The following PRKCB variants were observed in gnomAD, a reference collection of about 807,000 sequenced individuals.
PRKCB encodes the protein protein kinase C beta.
In PRKCB, 13 loss-of-function variants were observed where a neutral mutation model predicts 81.5. The observed-to-expected ratio is 0.16, with a 90% CI of 0.10 to 0.25. The LOEUF (loss-of-function observed/expected upper bound fraction) is 0.25. Ranked by LOEUF, PRKCB falls within the 10% of genes least tolerant of loss-of-function variation. The pLI is 1.00. For missense variants in PRKCB, 509 were observed against 875.7 expected (o/e 0.58, Z 5.29); for synonymous variants, 335 against 321.4 (o/e 1.04, Z -0.45).
At chr16:23,841,013 A>C (rs549322408) in intron 2 of PRKCB, among the ~76,000 whole-genome samples, 1 of 152,212 alleles carries the variant, frequency 6.6e-6, no homozygotes, top group Non-Finnish European at 1.5e-5. Flanking sequence ...ATTCTAGAGT[A>C]GAAGTGGAAC....
intron 2 of PRKCB, among the ~76,000 whole-genome samples, chr16:23,908,562 G>T (rs755028054): frequency 6.6e-6 from 1 of 151,786 alleles, no homozygotes; most frequent in Admixed American, 6.6e-5. Flanking sequence ...ACGGATTCTC[G>T]CTCTGTCGCC....
At chr16:23,855,846 T>C (rs1461444950) in intron 2 of PRKCB, among the ~76,000 whole-genome samples, 1 of 152,188 alleles carries the variant, frequency 6.6e-6, no homozygotes, top group Non-Finnish European at 1.5e-5. Context: ...AGCATTACCT[T>C]GGGCAAAGCA....
chr16:23,887,427 A>G (rs903639788), intron 2 of PRKCB, among the ~76,000 whole-genome samples: 3 of 152,146 alleles, frequency 2.0e-5, no homozygotes, highest in Admixed American at 6.5e-5. Flanking sequence ...AGCTTCCACT[A>G]TAGGTGAGAA....
chr16:24,137,301 G>A (rs1966868434), intron 9 of PRKCB, among the ~76,000 whole-genome samples: 1 of 152,058 alleles, frequency 6.6e-6, no homozygotes, highest in South Asian at 2.1e-4. Flanking sequence ...CGATCCTCCT[G>A]CCTCAGCCTC....
At chr16:24,149,784 AT>A (rs1164343063) in intron 9 of PRKCB, among the ~76,000 whole-genome samples, 4 of 152,204 alleles carry the variant, frequency 2.6e-5, no homozygotes, top group Non-Finnish European at 4.4e-5. Flanking sequence ...TATTTTAATT[AT>A]TAGTAAGAAT....
intron 5 of PRKCB, among the ~76,000 whole-genome samples, chr16:24,057,281 C>T (rs1373033649): frequency 1.3e-5 from 2 of 152,128 alleles, no homozygotes; most frequent in African/African-American, 4.8e-5. Flanking sequence ...ATACTTACTA[C>T]TATTTCAGCT....
intron 5 of PRKCB, among the ~76,000 whole-genome samples, chr16:24,059,022 T>G (rs1965940337): frequency 6.6e-6 from 1 of 152,080 alleles, no homozygotes; most frequent in Admixed American, 6.5e-5. Flanking sequence ...CAGGAAGACA[T>G]GTGGATAGTG....
intron 13 of PRKCB, among the ~76,000 whole-genome samples, chr16:24,183,225 G>T (rs1009286083): frequency 1.6e-4 from 25 of 152,138 alleles, no homozygotes; most frequent in Non-Finnish European, 3.2e-4. Context: ...TAATTGACCA[G>T]TAAAATTGTA....
intron 3 of PRKCB, among the ~76,000 whole-genome samples, chr16:24,022,346 A>G (rs1965415902): frequency 6.6e-6 from 1 of 152,080 alleles, no homozygotes; most frequent in Non-Finnish European, 1.5e-5. Flanking sequence ...ACAATAGGGA[A>G]GAGTGGGGAC....
chr16:24,211,358 C>T (rs1241130705), intron 16 of PRKCB, among the ~76,000 whole-genome samples: 1 of 152,160 alleles, frequency 6.6e-6, no homozygotes, highest in Non-Finnish European at 1.5e-5. Context: ...ATACTTGGAG[C>T]CATGATGCGT....
Position 24,058,431 on chromosome 16 carries a change from A to G in PRKCB, c.529+22884A>G, listed in dbSNP as rs972193184. 3.3e-5 allele frequency among the ~76,000 whole-genome samples: 5 copies of G among 152,034 alleles called. No individual in the cohort carries two copies. In the East Asian group the frequency reaches 9.7e-4, roughly 29 times the overall value. On this transcript the variant is annotated intron_variant, in intron 5 of 16. Transcript: ENST00000643927. Reference sequence around the variant, plus strand: ...ATGGCTAAATAGGTTAAAAAAAAAAACCAAAAACGGTGGGCTGCTAGGCAG... The same window carrying G: ...ATGGCTAAATAGGTTAAAAAAAAAAGCCAAAAACGGTGGGCTGCTAGGCAG...
intron 2 of PRKCB, chr16:23,869,339 G>A (rs1962863783): frequency 3.3e-6 from 1 of 300,492 alleles, no homozygotes; most frequent in Non-Finnish European, 6.7e-6. Context: ...CAACTGCAGT[G>A]ACACGTAGCA....
intron 5 of PRKCB, among the ~76,000 whole-genome samples, chr16:24,083,712 G>C (rs748435406): frequency 6.6e-6 from 1 of 152,100 alleles, no homozygotes; most frequent in Non-Finnish European, 1.5e-5. Context: ...AGAAGTATGA[G>C]GAATTTTTCC....
chr16:23,994,918 A>G (rs1473156234), intron 3 of PRKCB, among the ~76,000 whole-genome samples: 2 of 152,092 alleles, frequency 1.3e-5, no homozygotes, highest in Non-Finnish European at 1.5e-5. Context: ...TTTTCCTTCC[A>G]CAAGCTATGA....
At chr16:24,169,569 A>T (rs1967407660) in intron 10 of PRKCB, among the ~76,000 whole-genome samples, 1 of 151,458 alleles carries the variant, frequency 6.6e-6, no homozygotes, top group Non-Finnish European at 1.5e-5. Flanking sequence ...GTAAGCTCTC[A>T]CTCTCAATAC....
chr16:24,117,872 G>A (rs1431492611), intron 8 of PRKCB, among the ~76,000 whole-genome samples: 2 of 152,252 alleles, frequency 1.3e-5, no homozygotes, highest in Non-Finnish European at 2.9e-5. Flanking sequence ...GGGACAGGAA[G>A]CTGAGGGGTT....
intron 2 of PRKCB, among the ~76,000 whole-genome samples, chr16:23,902,861 T>A (rs901195624): frequency 2.7e-5 from 4 of 148,186 alleles, no homozygotes; most frequent in Non-Finnish European, 4.5e-5. Flanking sequence ...TGGAGTGCAG[T>A]GTCACGATCG....
intron 2 of PRKCB, chr16:23,963,298 G>A (rs1472035972): frequency 6.6e-6 from 1 of 152,170 alleles, no homozygotes; most frequent in Non-Finnish European, 1.5e-5. Flanking sequence ...TGGTGATCAC[G>A]GTTACAAAGT....
At chr16:23,947,840 A>G (rs1596483449) in intron 2 of PRKCB, among the ~76,000 whole-genome samples, 1 of 150,244 alleles carries the variant, frequency 6.7e-6, no homozygotes, top group Non-Finnish European at 1.5e-5. Flanking sequence ...CCAAGAGCTA[A>G]TGGGAGACAC....
Sources: allele counts gnomAD v4.1 joint callset (sites outside exome capture counted in the v4.1 genomes callset), GRCh38; gene constraint gnomAD v4.1.1; transcripts MANE v1.5; gene names NCBI Gene and HGNC (gene_info 2026-07-23, HGNC 2026-07-21).